STXBP5L: variants seen among roughly 807,000 people sequenced by gnomAD.
The protein encoded by STXBP5L is syntaxin binding protein 5L.
A neutral mutation model predicts 144.5 loss-of-function variants in STXBP5L; 65 were observed. That is an observed-to-expected ratio of 0.45 (90% CI 0.37 to 0.55). The LOEUF (loss-of-function observed/expected upper bound fraction) is 0.55, where lower values mean the gene tolerates loss of function less well. Ranked by LOEUF, STXBP5L falls within the 20% of genes least tolerant of loss-of-function variation. The pLI is 0.00. For synonymous variants in STXBP5L, 505 were observed against 469.6 expected, an observed-to-expected ratio of 1.08 and a Z score of -0.97; for missense variants, 1,298 against 1,405.5, an observed-to-expected ratio of 0.92 and a Z score of 1.22.
chr3:121,017,842 T>G (rs1279071835), intron 3 of STXBP5L, among the ~76,000 whole-genome samples: 1 of 152,090 alleles, frequency 6.6e-6, no homozygotes, highest in Admixed American at 6.6e-5. Flanking sequence ...TTTGGGAGGC[T>G]GAGGCAGGAG....
At chr3:120,954,817 T>G in intron 2 of STXBP5L, 123 bp from the exon 3 acceptor site, 2 of 648,610 alleles carry the variant, frequency 3.1e-6, no homozygotes, top group East Asian at 3.0e-5. Context: ...TGTTAATGTT[T>G]GGTGGTAGCT....
intron 3 of STXBP5L, among the ~76,000 whole-genome samples, chr3:121,021,565 GCTCT>G (rs1347840670): frequency 9.9e-5 from 15 of 152,014 alleles, no homozygotes; most frequent in Admixed American, 9.2e-4. Context: ...TATAGCAAGT[GCTCT>G]CTCTATTATA....
intron 10 of STXBP5L, among the ~76,000 whole-genome samples, chr3:121,207,931 C>T (rs1367926477): frequency 1.3e-5 from 2 of 152,086 alleles, no homozygotes; most frequent in Non-Finnish European, 2.9e-5. Context: ...GTGGCGATTC[C>T]TCAGGGATCT....
chr3:121,061,581 C>T (rs1477656036), intron 5 of STXBP5L, among the ~76,000 whole-genome samples: 1 of 152,144 alleles, frequency 6.6e-6, no homozygotes, highest in South Asian at 2.1e-4. Context: ...TAAAGTCTCT[C>T]ACTATTATTG....
intron 2 of STXBP5L, chr3:120,924,577 T>G (rs1363816786): frequency 2.0e-5 from 3 of 152,580 alleles, no homozygotes; most frequent in Non-Finnish European, 4.4e-5. Context: ...GGTCCATTTT[T>G]CTAACTAGTG....
intron 5 of STXBP5L, among the ~76,000 whole-genome samples, chr3:121,067,940 AT>A (rs1289581519): frequency 2.0e-5 from 3 of 152,302 alleles, no homozygotes; most frequent in African/African-American, 7.2e-5. Flanking sequence ...ATATATTTCC[AT>A]TATATTATTG....
intron 7 of STXBP5L, among the ~76,000 whole-genome samples, chr3:121,150,893 GCC>G (rs2045908411): frequency 6.6e-6 from 1 of 152,014 alleles, no homozygotes; most frequent in African/African-American, 2.4e-5. Context: ...TTCGAAACCA[GCC>G]TGGCCAACGT....
chr3:121,167,770 C>T (rs1022971089), intron 9 of STXBP5L, among the ~76,000 whole-genome samples: 3 of 152,240 alleles, frequency 2.0e-5, no homozygotes, highest in Non-Finnish European at 4.4e-5. Flanking sequence ...CAGACATAAA[C>T]ATCCCTGCCT....
chr3:121,198,334 T>A (rs1330260687), intron 9 of STXBP5L, among the ~76,000 whole-genome samples: 4 of 148,914 alleles, frequency 2.7e-5, no homozygotes, highest in Non-Finnish European at 4.6e-5. Context: ...TTTTGATGGT[T>A]TTTTTTTCTT....
chr3:121,311,213 T>A (rs2043514728), intron 19 of STXBP5L, among the ~76,000 whole-genome samples: 1 of 152,228 alleles, frequency 6.6e-6, no homozygotes, highest in African/African-American at 2.4e-5. Context: ...AAGAGACTAT[T>A]ACCTAGTGTT....
chr3:121,187,553 T>C (rs925594638), intron 9 of STXBP5L, among the ~76,000 whole-genome samples: 9 of 136,114 alleles, frequency 6.6e-5, no homozygotes, highest in Non-Finnish European at 9.6e-5. Context: ...AAACTTAAAA[T>C]ATAATAAAAA....
At chr3:120,972,529 A>T (rs1034073717) in intron 3 of STXBP5L, among the ~76,000 whole-genome samples, 14 of 151,892 alleles carry the variant, frequency 9.2e-5, no homozygotes, top group African/African-American at 3.4e-4. Context: ...AGATAATTTG[A>T]CTTTCTCTTT....
At chr3:121,185,820 C>T (rs1022035120) in intron 9 of STXBP5L, among the ~76,000 whole-genome samples, 1 of 151,988 alleles carries the variant, frequency 6.6e-6, no homozygotes, top group South Asian at 2.1e-4. Context: ...GTTGTTTTTT[C>T]CAATTCTGTG....
At chr3:121,007,290 G>T (rs562629238) in intron 3 of STXBP5L, among the ~76,000 whole-genome samples, 1 of 151,940 alleles carries the variant, frequency 6.6e-6, no homozygotes, top group East Asian at 1.9e-4. Context: ...TGATCACTGA[G>T]GATTTTGTTG....
At chr3:121,383,305 G>A (rs1490479616) in intron 22 of STXBP5L, among the ~76,000 whole-genome samples, 2 of 151,848 alleles carry the variant, frequency 1.3e-5, no homozygotes, top group African/African-American at 2.4e-5. Context: ...CAGGCATGGT[G>A]TGTGTGTGCC....
At chr3:121,274,729 G>GCAGGCTGAGA in intron 18 of STXBP5L, among the ~76,000 whole-genome samples, 1 of 152,182 alleles carries the variant, frequency 6.6e-6, no homozygotes, top group Non-Finnish European at 1.5e-5. Flanking sequence ...GGCATATACA[G>GCAGGCTGAGA]ATTGCCTATA....
intron 3 of STXBP5L, among the ~76,000 whole-genome samples, chr3:121,020,526 C>G (rs1945471786): frequency 6.6e-6 from 1 of 152,040 alleles, no homozygotes; most frequent in Non-Finnish European, 1.5e-5. Context: ...CATCAAGTAA[C>G]CTATAAAGGA....
At chr3:121,375,193 TG>T (rs1272788350) in intron 20 of STXBP5L, among the ~76,000 whole-genome samples, 1 of 152,080 alleles carries the variant, frequency 6.6e-6, no homozygotes, top group African/African-American at 2.4e-5. Context: ...GAAAACTTAA[TG>T]AAACAATAAC....
At chr3:121,050,707 A>T (rs1366381850) in intron 5 of STXBP5L, among the ~76,000 whole-genome samples, 1 of 152,226 alleles carries the variant, frequency 6.6e-6, no homozygotes, top group Non-Finnish European at 1.5e-5. Flanking sequence ...TAACATCATA[A>T]TGACAGGACC....
Sources: gnomAD v4.1 joint callset for allele counts (sites outside exome capture counted in the v4.1 genomes callset) on GRCh38, gnomAD v4.1.1 for gene constraint, MANE v1.5 for transcripts, NCBI Gene and HGNC (gene_info 2026-07-23, HGNC 2026-07-21) for gene names.